The following PCDHGB6 variants were observed in gnomAD, a reference collection of about 807,000 sequenced individuals.
PCDHGB6 encodes the protein protocadherin gamma-B6.
A neutral mutation model predicts 59.1 loss-of-function variants in PCDHGB6; 51 were observed. The ratio of observed to expected loss-of-function variants is 0.86; its 90% CI spans 0.69 to 1.09. The LOEUF is 1.09. Among genes scored for constraint, PCDHGB6 ranks in the 50% least tolerant of loss-of-function variants. The pLI is 0.00. For synonymous variants in PCDHGB6, 466 were observed against 495.1 expected, an observed-to-expected ratio of 0.94 and a Z score of 0.78; for missense variants, 1,148 against 1,205.1, an observed-to-expected ratio of 0.95 and a Z score of 0.70.
chr5:141,409,398 A>C lies in PCDHGB6; in HGVS notation c.1196A>C (p.Asn399Thr). The change falls in exon 1 of 4, where the codon AAT (asparagine) becomes ACT (threonine). Residue 399 changes from asparagine (N) to threonine (T), a missense_variant. By Grantham distance (65) the Asn-to-Thr change is moderately conservative (BLOSUM62 0). Around this residue, in one of 5 missense-constraint regions of PCDHGB6, gnomAD observed 549 missense variants for 527.5 expected, o/e 1.04. Coordinates refer to ENST00000520790, the MANE Select transcript of PCDHGB6 (RefSeq NM_018926.3). ...DIPFKIYSSS[N>T]NYYKLVTDGA... ...CCATTCAAGATTTATTCTTCTTCCA[A>C]TAACTACTACAAACTGGTGACAGAT... 6.2e-7 allele frequency: 1 copy of C among 1,614,050 alleles called. No individual in the cohort carries two copies. Among genetic ancestry groups the C allele is most frequent in the Non-Finnish European group, 8.5e-7 (1 of 1,179,904 alleles).
chr5:141,497,110 C>T (rs964183820), intron 2 of PCDHGB6, among the ~76,000 whole-genome samples: 2 of 151,738 alleles, frequency 1.3e-5, no homozygotes, highest in African/African-American at 2.4e-5. Context: ...TGCTTGAACC[C>T]GGAAGGCAGA....
chr5:141,420,205 C>T (rs776838072), intron 1 of PCDHGB6: 14 of 1,612,942 alleles, frequency 8.7e-6, no homozygotes, highest in African/African-American at 1.3e-5. Context: ...ATAACCTCAA[C>T]AAAGATAGCA....
At chr5:141,430,909 G>A (rs1054175762) in intron 1 of PCDHGB6, 2 of 1,607,160 alleles carry the variant, frequency 1.2e-6, no homozygotes, top group Non-Finnish European at 1.7e-6. Context: ...ACATCTCCAG[G>A]GACCTGGGGC....
intron 1 of PCDHGB6, chr5:141,478,312 C>T (rs768312280): frequency 8.1e-6 from 13 of 1,614,002 alleles, no homozygotes; most frequent in East Asian, 2.2e-5. Flanking sequence ...CCCCGGTGAG[C>T]TCACTGTACC....
chr5:141,481,646 C>T (rs1425216422), intron 1 of PCDHGB6, among the ~76,000 whole-genome samples: 1 of 151,950 alleles, frequency 6.6e-6, no homozygotes, highest in African/African-American at 2.4e-5. Flanking sequence ...GGTGAAACTT[C>T]ATCTCTACTA....
rs1468210173 is a variant in PCDHGB6 at position 141,512,170 on chromosome 5, A to T, written c.*997A>T. 1 of 152,720 alleles carries T rather than the reference A, an allele frequency of 6.5e-6. No homozygotes were observed. The highest frequency in any genetic ancestry group is 1.5e-5 in the Non-Finnish European group (1 of 68,120). The allele number at this position is 152,720 out of a possible 1,614,324, so 9.5% of individuals were successfully genotyped here. On this transcript the variant is annotated 3_prime_UTR_variant, in exon 4 of 4. Coordinates refer to ENST00000520790, the MANE Select transcript of PCDHGB6 (RefSeq NM_018926.3). ...TGGGCTGAGCTAACAGGACCAATGG[A>T]TTAAACTGGCATTTCAGTCCAAGGA...
At chr5:141,466,077 A>G (rs1220036084) in intron 1 of PCDHGB6, among the ~76,000 whole-genome samples, 2 of 152,108 alleles carry the variant, frequency 1.3e-5, no homozygotes, top group Non-Finnish European at 2.9e-5. Context: ...AGCTGATATC[A>G]TGCCACTGCA....
rs372848702 is a variant in PCDHGB6 at position 141,410,167 on chromosome 5, T to C, written c.1965T>C (p.Ser655=). The C allele has an allele frequency of 6.2e-7, 1 of 1,613,652 alleles. No homozygotes were observed. The highest frequency in any genetic ancestry group is 1.3e-5 in the African/African-American group (1 of 74,944). Residue 655 remains serine, a synonymous_variant, in exon 1 of 4, where the codon TCT becomes TCC. Coordinates refer to ENST00000520790, the MANE Select transcript of PCDHGB6 (RefSeq NM_018926.3). The part of the protein sequence containing the change: ...AVRDGGQPPL[S]ATATLHLVFA... ...GTGACGGTGGACAGCCGCCACTCTC[T>C]GCCACCGCCACGCTTCATCTGGTCT...
rs1342481070 is a variant in PCDHGB6 at position 141,485,056 on chromosome 5, C to T, written c.2419-9751C>T. 8 of 840,338 alleles carry T rather than the reference C, an allele frequency of 9.5e-6. No homozygotes were observed. The Admixed American group carries it at 1.9e-4, about 20-fold the overall frequency. 52.1% of individuals were successfully genotyped at this position (840,338 alleles called of 1,614,324 possible). A position where few individuals can be genotyped will look rare whatever the true frequency, so the allele number is the denominator to read the frequency against. The stretch of plus-strand genomic sequence containing the variant: ...CGTAACCCTTGCGGCGCCGGCCGAA[C>T]CGCGCCAGAGCTGGCGCGGGGAAAG... On this transcript the variant is annotated intron_variant, in intron 1 of 3. Transcript: ENST00000520790. The surrounding 1 kb of genome is among the most constrained non-coding windows in gnomAD (Gnocchi z 5.7).
chr5:141,489,112 A>C lies in PCDHGB6; in HGVS notation c.2419-5695A>C. 3 of 412,420 alleles carry C rather than the reference A, an allele frequency of 7.3e-6. No individual in the cohort carries two copies. Among genetic ancestry groups the C allele is most frequent in the South Asian group, 4.2e-5 (1 of 23,838 alleles). The allele number at this position is 412,420 out of a possible 1,614,324, so 25.5% of individuals were successfully genotyped here. ...TGACTAAGAACTGCTGCAAGCAGGC[A>C]AACCTCCGAGCAGTTTTTAAGAGGC... is the stretch of plus-strand genomic sequence containing the variant. On this transcript the variant is annotated intron_variant, in intron 1 of 3. Coordinates refer to ENST00000520790, the MANE Select transcript of PCDHGB6 (RefSeq NM_018926.3). The surrounding 1 kb of genome is among the most constrained non-coding windows in gnomAD (Gnocchi z 4.5).
In PCDHGB6 at chr5:141,431,211, G is replaced by A. The variant is rs1054638121; in HGVS notation, c.2418+20591G>A. The A allele has an allele frequency of 6.2e-7, 1 of 1,614,004 alleles. No individual in the cohort carries two copies. The highest frequency in any genetic ancestry group is 1.7e-5 in the Admixed American group (1 of 60,006). ...AGTGAAAATGCAGCCACTGAGATGC[G>A]GTTCCCTCTACCCCACGCCTGGGAT... On this transcript the variant is annotated intron_variant, in intron 1 of 3. Coordinates refer to ENST00000520790, the MANE Select transcript of PCDHGB6 (RefSeq NM_018926.3). This position sits in a 1 kb window ranked among gnomAD's most constrained non-coding sequence, Gnocchi z 4.8.
chr5:141,422,188 C>T, intron 1 of PCDHGB6: 1 of 1,561,742 alleles, frequency 6.4e-7, no homozygotes. Context: ...GATGGAAATT[C>T]AAGGCCAAGA....
chr5:141,456,641 G>A (rs2098873674), intron 1 of PCDHGB6, among the ~76,000 whole-genome samples: 1 of 152,160 alleles, frequency 6.6e-6, no homozygotes, highest in South Asian at 2.1e-4. Context: ...TACTACAGGT[G>A]TTAATCCCAA....
rs758099753 is a variant in PCDHGB6, at chr5:141,432,129, A to G, written c.2418+21509A>G. The G allele has an allele frequency of 5.6e-6, 9 of 1,614,054 alleles. No homozygotes were observed. The highest frequency in any genetic ancestry group is 5.5e-5 in the South Asian group (5 of 91,056). On this transcript the variant is annotated intron_variant, in intron 1 of 3. Transcript: ENST00000520790. The surrounding 1 kb of genome is among the most constrained non-coding windows in gnomAD (Gnocchi z 6.0). Reference sequence around the variant, plus strand: ...CCGCCGGTCTTCCCTCAGGCCTCCTATTCCGCTTATATCCCAGAGAACAAT... The same window carrying G: ...CCGCCGGTCTTCCCTCAGGCCTCCTGTTCCGCTTATATCCCAGAGAACAAT...
rs143779180 is a variant in PCDHGB6 at position 141,485,438 on chromosome 5, C to A, written c.2419-9369C>A. The A allele has an allele frequency of 9.9e-6, 16 of 1,614,170 alleles. No individual in the cohort carries two copies. The African/African-American group carries it at 1.3e-4, about 13-fold the overall frequency. Reference sequence around the variant, plus strand: ...CAGCGGAGCCCTGCTCATCAAGAACCCAATCGACCGAGAGGCACTGTGTGG... The same window carrying A: ...CAGCGGAGCCCTGCTCATCAAGAACACAATCGACCGAGAGGCACTGTGTGG... On this transcript the variant is annotated intron_variant, in intron 1 of 3. Coordinates refer to ENST00000520790, the MANE Select transcript of PCDHGB6 (RefSeq NM_018926.3). The surrounding 1 kb of genome is among the most constrained non-coding windows in gnomAD (Gnocchi z 5.7).
intron 1 of PCDHGB6, among the ~76,000 whole-genome samples, chr5:141,425,257 G>A (rs746250240): frequency 6.6e-6 from 1 of 152,152 alleles, no homozygotes; most frequent in Non-Finnish European, 1.5e-5. Context: ...TGAGGTATTT[G>A]GCTGGGAAAA....
intron 2 of PCDHGB6, among the ~76,000 whole-genome samples, chr5:141,499,800 C>A (rs2099794584): frequency 6.6e-6 from 1 of 150,704 alleles, no homozygotes; most frequent in Admixed American, 6.7e-5. Context: ...AATTCTCATG[C>A]TTCAGCCTCC....
At chr5:141,435,215 C>G (rs4912753) in intron 1 of PCDHGB6, among the ~76,000 whole-genome samples, 81,908 of 151,924 alleles carry the variant, frequency 0.54, 24,122 homozygotes, top group African/African-American at 0.79. Flanking sequence ...AGTGAATTTA[C>G]TTTCTTTCAA....
intron 1 of PCDHGB6, among the ~76,000 whole-genome samples, chr5:141,450,777 G>A (rs907160074): frequency 1.3e-5 from 2 of 150,004 alleles, no homozygotes; most frequent in East Asian, 2.0e-4. Context: ...ATGAGCCACC[G>A]TGCCCGGACC....
Sources: allele counts gnomAD v4.1 joint callset (sites outside exome capture counted in the v4.1 genomes callset), GRCh38; gene constraint gnomAD v4.1.1; regional missense constraint gnomAD v4.1.1; non-coding constraint Gnocchi (gnomAD v3.1); transcripts MANE v1.5; gene names NCBI Gene and HGNC (gene_info 2026-07-23, HGNC 2026-07-21).